Variants in NKAIN2 observed in about 807,000 individuals in gnomAD.
NKAIN2 encodes sodium/potassium transporting ATPase interacting 2.
Under a neutral mutation model 32.6 loss-of-function variants are expected in NKAIN2, and 14 were observed. That is an observed-to-expected ratio of 0.43 (90% CI 0.28 to 0.67). The LOEUF (loss-of-function observed/expected upper bound fraction) is 0.67, where lower values mean the gene tolerates loss of function less well. NKAIN2 is among the 30% of genes least tolerant of loss of function. The pLI is 0.17. For synonymous variants in NKAIN2, 80 were observed against 87.2 expected, an observed-to-expected ratio of 0.92 and a Z score of 0.46; for missense variants, 198 against 258.3, an observed-to-expected ratio of 0.77 and a Z score of 1.60.
At chr6:123,971,187 C>A (rs541073830) in intron 1 of NKAIN2, among the ~76,000 whole-genome samples, 5 of 152,146 alleles carry the variant, frequency 3.3e-5, no homozygotes, top group Middle Eastern at 3.4e-3. Context: ...GTAGCAGGAT[C>A]AGAGAGTACT....
intron 1 of NKAIN2, among the ~76,000 whole-genome samples, chr6:124,079,144 A>C (rs1562345647): frequency 6.6e-6 from 1 of 152,006 alleles, no homozygotes; most frequent in Non-Finnish European, 1.5e-5. Context: ...CAACATGGTG[A>C]AACCCCGTCT....
intron 1 of NKAIN2, among the ~76,000 whole-genome samples, chr6:123,846,843 C>G (rs1006456844): frequency 1.4e-5 from 1 of 71,300 alleles, no homozygotes; most frequent in African/African-American, 2.7e-5. Flanking sequence ...CACGCACGCG[C>G]GCACACACAC....
At chr6:123,826,958 C>T (rs1470235652) in intron 1 of NKAIN2, among the ~76,000 whole-genome samples, 1 of 152,056 alleles carries the variant, frequency 6.6e-6, no homozygotes, top group Non-Finnish European at 1.5e-5. Context: ...TACATTCCCA[C>T]CAGCAGTGCA....
chr6:124,598,580 C>A (rs554629442), intron 3 of NKAIN2, among the ~76,000 whole-genome samples: 18 of 151,638 alleles, frequency 1.2e-4, no homozygotes, highest in African/African-American at 4.1e-4. Flanking sequence ...CCACAGCTAA[C>A]TTCAGTAAGC....
At chr6:123,953,617 C>A (rs1444911254) in intron 1 of NKAIN2, among the ~76,000 whole-genome samples, 3 of 152,082 alleles carry the variant, frequency 2.0e-5, no homozygotes, top group Non-Finnish European at 2.9e-5. Flanking sequence ...ACTTCAGGCC[C>A]CTGGTTGGAG....
At chr6:124,487,205 T>G (rs934964557) in intron 3 of NKAIN2, among the ~76,000 whole-genome samples, 2 of 152,184 alleles carry the variant, frequency 1.3e-5, no homozygotes, top group African/African-American at 4.8e-5. Context: ...CTTTCAATGA[T>G]TCTGTTCACT....
intron 4 of NKAIN2, among the ~76,000 whole-genome samples, chr6:124,766,698 C>A (rs567978403): frequency 1.3e-5 from 2 of 152,096 alleles, no homozygotes; most frequent in Non-Finnish European, 2.9e-5. Context: ...AATATTAGCA[C>A]GAGGAAAAGC....
At chr6:123,837,552 C>A (rs977351276) in intron 1 of NKAIN2, among the ~76,000 whole-genome samples, 11 of 152,122 alleles carry the variant, frequency 7.2e-5, no homozygotes, top group Non-Finnish European at 1.5e-4. Flanking sequence ...TCATCTTTCC[C>A]TTTTGTAACT....
intron 3 of NKAIN2, among the ~76,000 whole-genome samples, chr6:124,524,977 T>A (rs973261088): frequency 1.3e-5 from 2 of 152,130 alleles, no homozygotes; most frequent in African/African-American, 4.8e-5. Context: ...GGAAGATTCC[T>A]CAGCATGGAA....
intron 1 of NKAIN2, among the ~76,000 whole-genome samples, chr6:123,846,831 C>T (rs781371642): frequency 2.1e-5 from 2 of 96,248 alleles, no homozygotes; most frequent in South Asian, 1.3e-3. Context: ...CACCGCCACA[C>T]ACACGCACGC....
At position 124,796,175 on chromosome 6, in the gene NKAIN2, A is replaced by C. The variant is rs545714987; in HGVS notation, c.535+4776A>C. Among the ~76,000 whole-genome samples the C allele has an allele frequency of 1.6e-3, 243 of 152,274 alleles. 1 individual carries two copies. The highest frequency in any genetic ancestry group is 0.01 in the Middle Eastern group (3 of 294). On this transcript the variant is annotated intron_variant, in intron 5 of 6. Transcript: ENST00000368417. ...TGAATTAGTTAGCTAGGGATGCCAT[A>C]AAAACATACCACAGACATAGTGGCT...
intron 1 of NKAIN2, among the ~76,000 whole-genome samples, chr6:123,837,010 G>T: frequency 6.6e-6 from 1 of 152,034 alleles, no homozygotes; most frequent in East Asian, 1.9e-4. Context: ...ACATAAATCC[G>T]AGGTGTTTGT....
At chr6:123,810,078 TC>T (rs1299140615) in intron 1 of NKAIN2, among the ~76,000 whole-genome samples, 1 of 151,946 alleles carries the variant, frequency 6.6e-6, no homozygotes, top group East Asian at 1.9e-4. Flanking sequence ...TGTTTTTTTT[TC>T]CCCCCACTGA....
chr6:124,347,348 G>A (rs9401734), intron 2 of NKAIN2, among the ~76,000 whole-genome samples: 2 of 150,640 alleles, frequency 1.3e-5, no homozygotes, highest in East Asian at 2.0e-4. Flanking sequence ...TCTTTGTGGC[G>A]TTCTCTGTAT....
At chr6:124,009,386 A>T (rs995664164) in intron 1 of NKAIN2, among the ~76,000 whole-genome samples, 11 of 152,328 alleles carry the variant, frequency 7.2e-5, no homozygotes, top group African/African-American at 2.6e-4. Flanking sequence ...CTATCATTGT[A>T]TTCTAAAGAA....
intron 1 of NKAIN2, among the ~76,000 whole-genome samples, chr6:123,900,873 A>G (rs1774551785): frequency 6.6e-6 from 1 of 152,124 alleles, no homozygotes; most frequent in Admixed American, 6.5e-5. Flanking sequence ...GAAGATTAAA[A>G]ATATTTAAAA....
chr6:124,126,440 G>A (rs1786169799), intron 1 of NKAIN2, among the ~76,000 whole-genome samples: 1 of 152,078 alleles, frequency 6.6e-6, no homozygotes, highest in African/African-American at 2.4e-5. Context: ...AAAATTGAAG[G>A]TATTCTAAAA....
chr6:123,899,959 A>G (rs562237419), intron 1 of NKAIN2, among the ~76,000 whole-genome samples: 2 of 152,186 alleles, frequency 1.3e-5, no homozygotes, highest in Non-Finnish European at 1.5e-5. Flanking sequence ...TCAGCCAAGC[A>G]TCTCTCTCTG....
chr6:124,348,281 G>T (rs1335806178), intron 2 of NKAIN2, among the ~76,000 whole-genome samples: 1 of 152,170 alleles, frequency 6.6e-6, no homozygotes, highest in Admixed American at 6.5e-5. Context: ...GGGGGTCAGG[G>T]GTCAGGGGCC....
Sources: gnomAD v4.1 joint callset for allele counts (sites outside exome capture counted in the v4.1 genomes callset) on GRCh38, gnomAD v4.1.1 for gene constraint, MANE v1.5 for transcripts, NCBI Gene and HGNC (gene_info 2026-07-23, HGNC 2026-07-21) for gene names.